Variants in ZNF565 observed in about 807,000 individuals in gnomAD.
ZNF565 encodes zinc finger protein 565.
In ZNF565, 27 loss-of-function variants were observed where a neutral mutation model predicts 39.4. The ratio of observed to expected loss-of-function variants is 0.69; its 90% CI spans 0.51 to 0.95. ZNF565 has a LOEUF of 0.95. ZNF565 is among the 40% of genes least tolerant of loss of function. The pLI is 0.00. For missense variants in ZNF565, 524 were observed against 621.1 expected (o/e 0.84, Z 1.66); for synonymous variants, 185 against 216.6 (o/e 0.85, Z 1.28).
intron 4 of ZNF565, among the ~76,000 whole-genome samples, chr19:36,189,955 TC>T (rs1975466424): frequency 6.6e-6 from 1 of 151,890 alleles, no homozygotes; most frequent in Non-Finnish European, 1.5e-5. Context: ...TGTCTCAGCC[TC>T]CCGAGTAGCT....
intron 1 of ZNF565, chr19:36,236,299 C>G: frequency 2.0e-6 from 2 of 983,998 alleles, no homozygotes; most frequent in Non-Finnish European, 2.9e-6. Context: ...TTATCCCTTA[C>G]TCTGCATTTG....
intron 4 of ZNF565, among the ~76,000 whole-genome samples, chr19:36,186,015 G>T (rs891247969): frequency 1.3e-5 from 2 of 149,666 alleles, no homozygotes; most frequent in African/African-American, 4.9e-5. Context: ...TTTAATATTT[G>T]ACATGGGGTC....
intron 1 of ZNF565, among the ~76,000 whole-genome samples, chr19:36,226,876 G>A (rs888296129): frequency 3.3e-5 from 5 of 150,984 alleles, no homozygotes; most frequent in African/African-American, 9.8e-5. Context: ...ACCTGTGGTC[G>A]GGAGTTTGGG....
chr19:36,196,048 T>C (rs1568416465), intron 2 of ZNF565, among the ~76,000 whole-genome samples: 1 of 151,986 alleles, frequency 6.6e-6, no homozygotes, highest in Non-Finnish European at 1.5e-5. Flanking sequence ...GCAATTCTTC[T>C]GCTTCAGCCT....
At position 36,183,668 on chromosome 19, in the gene ZNF565, C is replaced by T. The variant is rs749433081; in HGVS notation, c.298G>A (p.Glu100Lys). ...DIFEIGAFNW[E>K]IMESLKCSDL... ...CTGCATTTAAGGCTTTCCATTATCT[C>T]CCAGTTGAATGCCCCGATTTCAAAA... The change falls in exon 5 of 5, where the codon GAG becomes AAG. Residue 100 changes from glutamate (E) to lysine (K), a missense_variant. Transcript: ENST00000304116. 6.2e-7 allele frequency: 1 copy of T among 1,613,866 alleles called. No individual in the cohort carries two copies. The highest frequency in any genetic ancestry group is 8.5e-7 in the Non-Finnish European group (1 of 1,179,818).
Position 36,182,278 on chromosome 19 carries a change from C to G in ZNF565, c.*188G>C, listed in dbSNP as rs1022199252. On this transcript the variant is annotated 3_prime_UTR_variant, in exon 5 of 5. Coordinates refer to ENST00000304116, the MANE Select transcript of ZNF565 (RefSeq NM_152477.5). ...CATAGATTATCTGATGCTTAGGAAA[C>G]AGTGAGTGAGGCAAAAAGAATTCCC... 4 of 459,216 alleles carry G rather than the reference C, an allele frequency of 8.7e-6. No individual in the cohort carries two copies. The highest frequency in any genetic ancestry group is 5.7e-4 in the Middle Eastern group (1 of 1,758). The allele number at this position is 459,216 out of a possible 1,614,324, so 28.4% of individuals were successfully genotyped here.
At chr19:36,182,104 G>C (rs533838194), downstream of ZNF565, 1 of 177,486 alleles carries the variant, frequency 5.6e-6, no homozygotes, top group African/African-American at 2.4e-5. Flanking sequence ...TGCCGGCCTT[G>C]GCCTCCCAAA....
chr19:36,187,118 G>T (rs1685489947), intron 4 of ZNF565, among the ~76,000 whole-genome samples: 1 of 151,874 alleles, frequency 6.6e-6, no homozygotes, highest in African/African-American at 2.4e-5. Context: ...TGAACCCAGG[G>T]GGCGGAGGTT....
At position 36,182,526 on chromosome 19, in the gene ZNF565, A is replaced by C. The variant is rs1568406984; in HGVS notation, c.1440T>G (p.Cys480Trp). The change falls in exon 5 of 5, where the codon TGT becomes TGG. Residue 480 changes from cysteine (C) to tryptophan (W), a missense_variant. Coordinates refer to ENST00000304116, the MANE Select transcript of ZNF565 (RefSeq NM_152477.5). ...PGIKPYECRECGQAFILGSQL... is the reference protein window; with the variant it reads ...PGIKPYECREWGQAFILGSQL... Reference sequence around the variant, plus strand: ...GTGAGCCAAGAATAAATGCCTGCCCACACTCTCTACATTCGTAAGGTTTGA... The same window carrying C: ...GTGAGCCAAGAATAAATGCCTGCCCCCACTCTCTACATTCGTAAGGTTTGA... The C allele has an allele frequency of 6.2e-7, 1 of 1,607,400 alleles. No homozygotes were observed.
intron 1 of ZNF565, among the ~76,000 whole-genome samples, chr19:36,239,225 A>G (rs1977754477): frequency 3.9e-5 from 6 of 151,986 alleles, no homozygotes; most frequent in Admixed American, 3.9e-4. Flanking sequence ...GGCTTCATAT[A>G]ATTGGTCTTT....
intron 1 of ZNF565, among the ~76,000 whole-genome samples, chr19:36,225,252 G>A (rs1977016838): frequency 6.6e-6 from 1 of 152,172 alleles, no homozygotes; most frequent in African/African-American, 2.4e-5. Context: ...GGGAAAATCT[G>A]TTGATTGAGG....
chr19:36,236,268 G>A lies in ZNF565; in HGVS notation c.55+9208C>T, dbSNP rs1024266410. The A allele has an allele frequency of 7.8e-6, 6 of 764,914 alleles. No homozygotes were observed. In the African/African-American group the frequency reaches 1.1e-4, roughly 13 times the overall value. The allele number at this position is 764,914 out of a possible 1,614,324, so 47.4% of individuals were successfully genotyped here. On this transcript the variant is annotated intron_variant, in intron 1 of 4. Coordinates refer to the ZNF565 transcript ENST00000355114. ...AGAAAGCATTGAATATACTGAGTATGATAACATTTCCTCTCAAACCTTATC... is the reference window on the plus strand; with the variant it reads ...AGAAAGCATTGAATATACTGAGTATAATAACATTTCCTCTCAAACCTTATC...
chr19:36,213,627 C>G (rs376703872), intron 1 of ZNF565, among the ~76,000 whole-genome samples: 1 of 151,964 alleles, frequency 6.6e-6, no homozygotes, highest in South Asian at 2.1e-4. Flanking sequence ...CTCAGGTGAT[C>G]CACCCGCCTC....
At chr19:36,182,248 T>TC (rs5827951), downstream of ZNF565, 2,162 of 418,898 alleles carry the variant, frequency 5.2e-3, 33 homozygotes, top group African/African-American at 0.035. Context: ...TTCATTTTTT[T>TC]TTAGCATAGA....
intron 1 of ZNF565, among the ~76,000 whole-genome samples, chr19:36,207,107 T>A (rs890827460): frequency 6.6e-6 from 1 of 152,148 alleles, no homozygotes; most frequent in Non-Finnish European, 1.5e-5. Context: ...GGATGGAACA[T>A]GCGAGACGAA....
In ZNF565 at chr19:36,245,130, C is replaced by G. The variant is rs942450133; in HGVS notation, c.55+346G>C. Among the ~76,000 whole-genome samples, 3 of 152,230 alleles carry G rather than the reference C, an allele frequency of 2.0e-5. No homozygotes were observed. The highest frequency in any genetic ancestry group is 7.2e-5 in the African/African-American group (3 of 41,462). ...CCACAGCCTGAGACCCGGCGAGCCT[C>G]GCTGCCCTTGCGAGAGCCATGGATT... On this transcript the variant is annotated intron_variant, in intron 1 of 4. Transcript: ENST00000355114. This position sits in a 1 kb window ranked among gnomAD's most constrained non-coding sequence, Gnocchi z 4.4.
At chr19:36,243,143 C>T (rs1053021612) in intron 1 of ZNF565, among the ~76,000 whole-genome samples, 4 of 152,144 alleles carry the variant, frequency 2.6e-5, no homozygotes, top group Non-Finnish European at 5.9e-5. Context: ...AAGTGACTCT[C>T]CTGCCTCAGC....
At chr19:36,188,732 C>G (rs1345211640) in intron 4 of ZNF565, among the ~76,000 whole-genome samples, 1 of 144,910 alleles carries the variant, frequency 6.9e-6, no homozygotes. Flanking sequence ...AAAAACAAAA[C>G]AACAACAACA....
chr19:36,191,293 G>T (rs1446896719), intron 4 of ZNF565, among the ~76,000 whole-genome samples: 2 of 149,170 alleles, frequency 1.3e-5, no homozygotes, highest in Non-Finnish European at 1.5e-5. Context: ...AGATATGATC[G>T]ATTTCCTACC....
Sources: allele counts gnomAD v4.1 joint callset (sites outside exome capture counted in the v4.1 genomes callset), GRCh38; gene constraint gnomAD v4.1.1; non-coding constraint Gnocchi (gnomAD v3.1); transcripts MANE v1.5; gene names NCBI Gene and HGNC (gene_info 2026-07-23, HGNC 2026-07-21).